Variants in COP1 observed in about 807,000 individuals in gnomAD.
COP1 encodes E3 ubiquitin-protein ligase COP1.
A neutral mutation model predicts 101.3 loss-of-function variants in COP1; 24 were observed. That is an observed-to-expected ratio of 0.24 (90% CI 0.17 to 0.33). The LOEUF (loss-of-function observed/expected upper bound fraction) is 0.33, where lower values mean the gene tolerates loss of function less well. Among genes scored for constraint, COP1 ranks in the 10% least tolerant of loss-of-function variants. The pLI is 1.00. For synonymous variants in COP1, 347 were observed against 341.9 expected (o/e 1.01, Z -0.17); for missense variants, 663 against 906.2 (o/e 0.73, Z 3.45).
intron 9 of COP1, among the ~76,000 whole-genome samples, chr1:176,107,592 T>C (rs936536726): frequency 6.6e-6 from 1 of 152,078 alleles, no homozygotes; most frequent in Non-Finnish European, 1.5e-5. Flanking sequence ...GACTAACTAA[T>C]AAATGTGGAA....
chr1:176,076,547 A>C (rs923636323), intron 11 of COP1, among the ~76,000 whole-genome samples: 9 of 13,540 alleles, frequency 6.6e-4, no homozygotes, highest in Non-Finnish European at 5.3e-3. Flanking sequence ...TAATGACCTT[A>C]CATCACATGT....
chr1:175,989,314 G>C (rs772783961), intron 16 of COP1, 48 bp downstream of exon 16: 3 of 934,298 alleles, frequency 3.2e-6, no homozygotes. Flanking sequence ...TGGTAGGTAA[G>C]TACAGAGCTC....
At chr1:176,027,284 A>T (rs1251452742) in intron 15 of COP1, among the ~76,000 whole-genome samples, 2 of 152,214 alleles carry the variant, frequency 1.3e-5, no homozygotes. Flanking sequence ...TTATGACCTT[A>T]TGTTTGTGAA....
chr1:176,043,933 C>T (rs904834212), intron 12 of COP1, 115 bp from the exon 13 acceptor site: 2 of 662,930 alleles, frequency 3.0e-6, no homozygotes, highest in Admixed American at 2.4e-5. Flanking sequence ...TCTATCAGTT[C>T]ACAATCATTA....
rs1685281490 is a variant in COP1, at chr1:176,111,483, C to CG, written c.1026+5140dup. 2.0e-5 allele frequency among the ~76,000 whole-genome samples: 3 copies of CG among 152,084 alleles called. No homozygotes were observed. In the South Asian group the frequency reaches 6.2e-4, roughly 32 times the overall value. On this transcript the variant is annotated intron_variant, in intron 9 of 19. Transcript: ENST00000367669. Reference sequence around the variant, plus strand: ...TAATTTTTTGTATTTTTAGTAGAGACGGGGTTTCACCGTGTTGGCCAGGAT... The same window carrying CG: ...TAATTTTTTGTATTTTTAGTAGAGACGGGGGTTTCACCGTGTTGGCCAGGAT...
intron 8 of COP1, among the ~76,000 whole-genome samples, chr1:176,122,874 A>G (rs1687379932): frequency 6.6e-6 from 1 of 152,226 alleles, no homozygotes; most frequent in African/African-American, 2.4e-5. Context: ...AAGATGGAAC[A>G]GGTCTGAGTC....
intron 11 of COP1, among the ~76,000 whole-genome samples, chr1:176,073,665 ATGTCACCAATTCCGTACCT>A (rs1240699573): frequency 2.0e-5 from 3 of 152,222 alleles, no homozygotes; most frequent in African/African-American, 7.2e-5. Context: ...ACTTCACTGT[ATGTCACCAATTCCGTACCT>A]TGTCTATTGT....
intron 15 of COP1, among the ~76,000 whole-genome samples, chr1:175,994,546 G>A (rs1659584575): frequency 6.6e-6 from 1 of 152,130 alleles, no homozygotes; most frequent in Non-Finnish European, 1.5e-5. Context: ...AAGGATGGAG[G>A]AAGATCTACC....
intron 11 of COP1, among the ~76,000 whole-genome samples, chr1:176,049,032 C>T (rs903920965): frequency 2.6e-4 from 40 of 151,330 alleles, no homozygotes; most frequent in African/African-American, 9.0e-4. Flanking sequence ...ATTAGCCAGG[C>T]GCGGTGGCGG....
At chr1:176,048,221 T>TG (rs1320638190) in intron 11 of COP1, among the ~76,000 whole-genome samples, 3 of 134,642 alleles carry the variant, frequency 2.2e-5, no homozygotes, top group Non-Finnish European at 4.7e-5. Flanking sequence ...TTTACAGAGA[T>TG]GGGGTCTCAC....
At chr1:176,123,187 G>C (rs78005864) in intron 8 of COP1, among the ~76,000 whole-genome samples, 1,883 of 152,162 alleles carry the variant, frequency 0.012, 36 homozygotes, top group African/African-American at 0.043. Context: ...AATAACCTCA[G>C]AAGTACTCCA....
At chr1:176,088,822 C>T (rs1680704554) in intron 9 of COP1, among the ~76,000 whole-genome samples, 1 of 151,368 alleles carries the variant, frequency 6.6e-6, no homozygotes, top group African/African-American at 2.4e-5. Flanking sequence ...ATGGAGAAAC[C>T]CCGTCTGTAC....
intron 5 of COP1, among the ~76,000 whole-genome samples, chr1:176,158,497 A>G (rs1028847732): frequency 6.6e-6 from 1 of 152,142 alleles, no homozygotes; most frequent in African/African-American, 2.4e-5. Context: ...GACTTGCTAG[A>G]AATCTCCATA....
intron 15 of COP1, among the ~76,000 whole-genome samples, chr1:176,024,241 G>A (rs1342205028): frequency 3.9e-5 from 6 of 152,158 alleles, no homozygotes; most frequent in Admixed American, 3.9e-4. Context: ...CCTGGGCTCT[G>A]ACAGAGTGAG....
chr1:176,123,168 A>G (rs1687429409), intron 8 of COP1, among the ~76,000 whole-genome samples: 1 of 152,226 alleles, frequency 6.6e-6, no homozygotes, highest in African/African-American at 2.4e-5. Flanking sequence ...TAAAAAAACA[A>G]TTATCTGAAA....
chr1:176,206,967 G>T lies in COP1; in HGVS notation c.12C>A (p.Ser4Arg). ...CAGCGGAGCCCGACCCGGCCTGGCG[G>T]CTACCAGACATCGTGACTCCCTCCC... is the stretch of plus-strand genomic sequence containing the variant. MSG[S>R]RQAGSGSAGT... Residue 4 changes from serine to arginine, a missense_variant, in exon 1 of 20, where the codon AGC (serine) becomes AGA (arginine). This residue lies in a region of COP1 where 204 missense variants were observed against 203.6 expected (regional missense o/e 1.00). Coordinates refer to ENST00000367669, the MANE Select transcript of COP1 (RefSeq NM_022457.7). 7.1e-7 allele frequency: 1 copy of T among 1,416,084 alleles called. No homozygotes were observed. Among genetic ancestry groups the T allele is most frequent in the Non-Finnish European group, 9.2e-7 (1 of 1,090,082 alleles). The allele number at this position is 1,416,084 out of a possible 1,614,324, so 87.7% of individuals were successfully genotyped here.
chr1:176,063,046 T>C (rs935363299), intron 11 of COP1, among the ~76,000 whole-genome samples: 1 of 102,578 alleles, frequency 9.7e-6, no homozygotes, highest in Non-Finnish European at 2.0e-5. Flanking sequence ...TTTTTGAAAA[T>C]GTTTTTTTTT....
chr1:176,022,399 A>G (rs1225147319), intron 15 of COP1, among the ~76,000 whole-genome samples: 1 of 150,704 alleles, frequency 6.6e-6, no homozygotes, highest in East Asian at 1.9e-4. Context: ...AATGTTTAAG[A>G]AAAGTACAGC....
chr1:176,003,305 G>A (rs1190415647), intron 15 of COP1, among the ~76,000 whole-genome samples: 2 of 152,156 alleles, frequency 1.3e-5, no homozygotes, highest in African/African-American at 2.4e-5. Flanking sequence ...TAGGTTGCCT[G>A]TTCACTCTGA....
Sources: allele counts gnomAD v4.1 joint callset (sites outside exome capture counted in the v4.1 genomes callset), GRCh38; gene constraint gnomAD v4.1.1; regional missense constraint gnomAD v4.1.1; transcripts MANE v1.5; gene names NCBI Gene and HGNC (gene_info 2026-07-23, HGNC 2026-07-21).